The following PPARGC1A variants were observed in gnomAD, a reference collection of about 807,000 sequenced individuals.
The protein encoded by PPARGC1A is PPARG coactivator 1 alpha.
PPARGC1A carries 25 observed loss-of-function variants against 88.7 expected under a neutral mutation model. That is an observed-to-expected ratio of 0.28 (90% CI 0.21 to 0.39). The LOEUF (loss-of-function observed/expected upper bound fraction) is 0.39, where lower values mean the gene tolerates loss of function less well. PPARGC1A is among the 10% of genes least tolerant of loss of function. The pLI is 1.00. For missense variants in PPARGC1A, 880 were observed against 968.7 expected (o/e 0.91, Z 1.22); for synonymous variants, 363 against 355.6 (o/e 1.02, Z -0.24).
At chr4:24,051,187 C>CA in the PPARGC1A span, among the ~76,000 whole-genome samples, 27,746 of 58,632 alleles carry the variant, frequency 0.47, 7,509 homozygotes, top group Middle Eastern at 0.48. Context: ...GACTCTGTCT[C>CA]AAAAAAAAAA....
chr4:24,333,353 A>G, the PPARGC1A span, among the ~76,000 whole-genome samples: 1 of 152,008 alleles, frequency 6.6e-6, no homozygotes, highest in East Asian at 2.0e-4. Context: ...TTTTTAATCA[A>G]TGTAATATAT....
At chr4:24,374,520 T>C in the PPARGC1A span, among the ~76,000 whole-genome samples, 1 of 151,554 alleles carries the variant, frequency 6.6e-6, no homozygotes, top group Non-Finnish European at 1.5e-5. Context: ...AGTTTACCTA[T>C]GTAACAAACC....
the PPARGC1A span, among the ~76,000 whole-genome samples, chr4:24,469,505 C>G: frequency 2.6e-5 from 4 of 152,164 alleles, no homozygotes; most frequent in Non-Finnish European, 5.9e-5. Context: ...TGTACTTTAT[C>G]TTAAAGTTCA....
At chr4:24,106,519 C>G in the PPARGC1A span, among the ~76,000 whole-genome samples, 106 of 152,280 alleles carry the variant, frequency 7.0e-4, no homozygotes, top group East Asian at 0.019. Context: ...TCCCTAGTTT[C>G]CTTCTTAATC....
At chr4:24,328,954 G>A in the PPARGC1A span, among the ~76,000 whole-genome samples, 2,604 of 152,322 alleles carry the variant, frequency 0.017, 68 homozygotes, top group East Asian at 0.12. Flanking sequence ...CTTCAATTCC[G>A]TTGAACCTTC....
intron 2 of PPARGC1A, among the ~76,000 whole-genome samples, chr4:23,848,971 A>G (rs1357850456): frequency 1.3e-5 from 2 of 152,024 alleles, no homozygotes; most frequent in Non-Finnish European, 2.9e-5. Flanking sequence ...GTGAAACCCC[A>G]TCTCTACTGA....
At chr4:24,071,285 C>A in the PPARGC1A span, among the ~76,000 whole-genome samples, 7 of 152,104 alleles carry the variant, frequency 4.6e-5, no homozygotes, top group Non-Finnish European at 1.0e-4. Flanking sequence ...TCCTCTGTAT[C>A]ACTATTATAT....
At chr4:24,442,433 T>A in the PPARGC1A span, among the ~76,000 whole-genome samples, 1 of 152,174 alleles carries the variant, frequency 6.6e-6, no homozygotes, top group Non-Finnish European at 1.5e-5. Context: ...TAATTCGTAA[T>A]CTTACAAGCA....
chr4:24,094,514 C>A, the PPARGC1A span, among the ~76,000 whole-genome samples: 1 of 152,094 alleles, frequency 6.6e-6, no homozygotes, highest in Non-Finnish European at 1.5e-5. Flanking sequence ...AAAGATGATG[C>A]AGAAATATGA....
chr4:24,025,603 C>A, the PPARGC1A span, among the ~76,000 whole-genome samples: 80,282 of 151,860 alleles, frequency 0.53, 21,745 homozygotes, highest in African/African-American at 0.62. Context: ...CCTCTGTCCA[C>A]TGCCTCACCC....
the PPARGC1A span, among the ~76,000 whole-genome samples, chr4:24,468,985 T>TC: frequency 6.6e-6 from 1 of 152,008 alleles, no homozygotes; most frequent in Non-Finnish European, 1.5e-5. Flanking sequence ...TTGATTTTTT[T>TC]TTAGTACAGT....
At chr4:24,022,676 G>T in the PPARGC1A span, among the ~76,000 whole-genome samples, 1 of 152,196 alleles carries the variant, frequency 6.6e-6, no homozygotes, top group Admixed American at 6.5e-5. Flanking sequence ...GGTGTCACCA[G>T]TTGCCTCAGA....
chr4:24,221,533 A>T, the PPARGC1A span, among the ~76,000 whole-genome samples: 1 of 152,232 alleles, frequency 6.6e-6, no homozygotes, highest in Non-Finnish European at 1.5e-5. Flanking sequence ...TTTCATATAA[A>T]TAAAATGTAT....
At chr4:24,100,602 C>A in the PPARGC1A span, among the ~76,000 whole-genome samples, 1 of 151,912 alleles carries the variant, frequency 6.6e-6, no homozygotes, top group African/African-American at 2.4e-5. Flanking sequence ...ATATTGAGTG[C>A]CACAAAATGT....
At chr4:24,047,439 G>A in the PPARGC1A span, among the ~76,000 whole-genome samples, 1 of 152,146 alleles carries the variant, frequency 6.6e-6, no homozygotes, top group Non-Finnish European at 1.5e-5. Flanking sequence ...GAGATAATGT[G>A]CCTGGCACTG....
At chr4:24,458,649 G>A in the PPARGC1A span, among the ~76,000 whole-genome samples, 2 of 152,116 alleles carry the variant, frequency 1.3e-5, no homozygotes, top group African/African-American at 2.4e-5. Flanking sequence ...CTTTAACCCA[G>A]TAGCTCTACT....
chr4:24,012,756 T>G, the PPARGC1A span, among the ~76,000 whole-genome samples: 2 of 152,142 alleles, frequency 1.3e-5, no homozygotes, highest in Admixed American at 6.6e-5. Context: ...ATACTATTTT[T>G]GGGAATAAAA....
the PPARGC1A span, among the ~76,000 whole-genome samples, chr4:24,239,817 A>G: frequency 4.6e-5 from 7 of 152,142 alleles, no homozygotes; most frequent in African/African-American, 1.7e-4. Context: ...AATGCAGCAA[A>G]ATAAATGCCA....
the PPARGC1A span, among the ~76,000 whole-genome samples, chr4:24,155,632 T>C: frequency 6.6e-6 from 1 of 151,646 alleles, no homozygotes; most frequent in South Asian, 2.1e-4. Context: ...AATATGATCA[T>C]TATGTTTAAC....
Sources: allele counts gnomAD v4.1 joint callset (sites outside exome capture counted in the v4.1 genomes callset), GRCh38; gene constraint gnomAD v4.1.1; transcripts MANE v1.5; gene names NCBI Gene and HGNC (gene_info 2026-07-23, HGNC 2026-07-21).